The following ARFGEF2 variants were observed in gnomAD, a reference collection of about 807,000 sequenced individuals.
ARFGEF2 encodes brefeldin A-inhibited guanine nucleotide-exchange protein 2.
Under a neutral mutation model 219.9 loss-of-function variants are expected in ARFGEF2, and 74 were observed. The observed-to-expected ratio is 0.34, with a 90% CI of 0.28 to 0.41. The LOEUF is 0.41. Ranked by LOEUF, ARFGEF2 falls within the 10% of genes least tolerant of loss-of-function variation. The pLI is 1.00. For synonymous variants in ARFGEF2, 733 were observed against 799.2 expected (o/e 0.92, Z 1.40); for missense variants, 1,743 against 2,218.3 (o/e 0.79, Z 4.30).
intron 2 of ARFGEF2, 22 bp downstream of exon 2, chr20:48,941,251 T>G (rs562273732): frequency 4.0e-5 from 64 of 1,611,882 alleles, no homozygotes; most frequent in Middle Eastern, 3.3e-4. Context: ...CACTACCTCC[T>G]TGCTGAGATA....
chr20:48,981,065 C>T (rs1364065913), intron 14 of ARFGEF2, among the ~76,000 whole-genome samples: 1 of 152,188 alleles, frequency 6.6e-6, no homozygotes, highest in Non-Finnish European at 1.5e-5. Flanking sequence ...GATGCAGTTT[C>T]TTCCTAGCAT....
At chr20:49,000,282 A>G (rs184481588) in intron 25 of ARFGEF2, among the ~76,000 whole-genome samples, 41 of 152,334 alleles carry the variant, frequency 2.7e-4, no homozygotes, top group Non-Finnish European at 1.2e-4. Context: ...CTGTTTTACA[A>G]AATAATCTGA....
chr20:48,974,475 G>A (rs1033454727), intron 12 of ARFGEF2, among the ~76,000 whole-genome samples: 1 of 152,104 alleles, frequency 6.6e-6, no homozygotes, highest in African/African-American at 2.4e-5. Flanking sequence ...CATAAGCAAT[G>A]AATGAAAACT....
intron 1 of ARFGEF2, among the ~76,000 whole-genome samples, chr20:48,924,006 G>A (rs1328285576): frequency 6.6e-6 from 1 of 152,214 alleles, no homozygotes; most frequent in African/African-American, 2.4e-5. Context: ...ATCACAAATT[G>A]GGGTTGTGCC....
chr20:48,994,679 G>C (rs1013657525), intron 22 of ARFGEF2, 81 bp downstream of exon 22: 8 of 1,576,958 alleles, frequency 5.1e-6, no homozygotes, highest in Non-Finnish European at 6.9e-6. Context: ...CATCAGGACT[G>C]TCCTGTAAAC....
At position 48,953,568 on chromosome 20, in the gene ARFGEF2, A is replaced by G; in HGVS notation, c.616A>G (p.Arg206Gly). 6.2e-7 allele frequency: 1 copy of G among 1,614,172 alleles called. No homozygotes were observed. The highest frequency in any genetic ancestry group is 8.5e-7 in the Non-Finnish European group (1 of 1,180,016). The change falls in exon 6 of 39, where the codon AGA becomes GGA. Residue 206 changes from arginine (R) to glycine (G), a missense_variant. Transcript: ENST00000371917. ...TGTTGCCTTTTAGTTGCAGGAGGCC[A>G]GAGAACTGGAAAAACCAATCCAGTC... The part of the protein sequence containing the change: ...RMENQVLQEA[R>G]ELEKPIQSKP...
chr20:49,030,471 A>T (rs1487868897), intron 37 of ARFGEF2, among the ~76,000 whole-genome samples: 2 of 151,924 alleles, frequency 1.3e-5, no homozygotes, highest in Non-Finnish European at 2.9e-5. Context: ...CTTAGCAAAA[A>T]AAAAAAAAAC....
chr20:48,990,938 T>C (rs1366885965), intron 20 of ARFGEF2, 102 bp from the exon 21 acceptor site: 1 of 1,300,944 alleles, frequency 7.7e-7, no homozygotes, highest in East Asian at 2.5e-5. Context: ...TCAATGTGCA[T>C]ACAAAAAGTA....
intron 1 of ARFGEF2, among the ~76,000 whole-genome samples, chr20:48,935,908 C>T (rs1384528051): frequency 2.2e-5 from 3 of 135,312 alleles, no homozygotes; most frequent in Non-Finnish European, 3.2e-5. Context: ...GGCAGAGGCA[C>T]CCCTCACTTC....
intron 34 of ARFGEF2, among the ~76,000 whole-genome samples, chr20:49,021,497 A>G (rs1461306462): frequency 6.6e-6 from 1 of 152,190 alleles, no homozygotes; most frequent in African/African-American, 2.4e-5. Context: ...GGATATAGTT[A>G]GTCTACTCAG....
intron 12 of ARFGEF2, among the ~76,000 whole-genome samples, chr20:48,974,288 G>A (rs1354878541): frequency 6.6e-6 from 1 of 151,712 alleles, no homozygotes; most frequent in African/African-American, 2.4e-5. Context: ...ACCACACCCG[G>A]CTGATTTGAG....
At chr20:49,021,620 G>C (rs768970502) in intron 34 of ARFGEF2, among the ~76,000 whole-genome samples, 34 of 151,888 alleles carry the variant, frequency 2.2e-4, no homozygotes, top group Non-Finnish European at 4.3e-4. Context: ...GGCTGAGGCG[G>C]GCAGATCATG....
At chr20:48,939,695 T>G (rs2090981882) in intron 1 of ARFGEF2, among the ~76,000 whole-genome samples, 1 of 152,242 alleles carries the variant, frequency 6.6e-6, no homozygotes, top group Non-Finnish European at 1.5e-5. Context: ...AGTAGTCATT[T>G]GGGCATTTCT....
chr20:48,971,189 C>A lies in ARFGEF2; in HGVS notation c.1260C>A (p.Pro420=), dbSNP rs757576446. Residue 420 remains proline, a synonymous_variant, in exon 10 of 39, where the codon CCC becomes CCA. Coordinates refer to ENST00000371917, the MANE Select transcript of ARFGEF2 (RefSeq NM_006420.3). ...TCTCTGTGTTGCAAAATGCTGGCCCCGTATTCAGGACTCACGAGATGTTCA... is the reference window on the plus strand; with the variant it reads ...TCTCTGTGTTGCAAAATGCTGGCCCAGTATTCAGGACTCACGAGATGTTCA... ...LLLSVLQNAG[P]VFRTHEMFIN... 2 of 1,614,088 alleles carry A rather than the reference C, an allele frequency of 1.2e-6. No individual in the cohort carries two copies. The highest frequency in any genetic ancestry group is 1.7e-6 in the Non-Finnish European group (2 of 1,180,042).
intron 30 of ARFGEF2, among the ~76,000 whole-genome samples, chr20:49,014,862 A>G (rs56377561): frequency 0.11 from 16,185 of 152,268 alleles, 1,012 homozygotes; most frequent in Non-Finnish European, 0.13. Flanking sequence ...AAGTAGAACT[A>G]CAGAACACAG....
chr20:48,927,176 T>G (rs1345488313), intron 1 of ARFGEF2, among the ~76,000 whole-genome samples: 1 of 152,174 alleles, frequency 6.6e-6, no homozygotes, highest in African/African-American at 2.4e-5. Context: ...TGTTAAGGGA[T>G]CCAGTTAAGG....
At chr20:49,002,110 C>T (rs905754986) in intron 25 of ARFGEF2, among the ~76,000 whole-genome samples, 4 of 152,086 alleles carry the variant, frequency 2.6e-5, no homozygotes, top group South Asian at 4.1e-4. Flanking sequence ...CGGTAGTGGA[C>T]GCCTGTAATC....
intron 1 of ARFGEF2, among the ~76,000 whole-genome samples, chr20:48,924,333 C>T (rs2090862482): frequency 1.3e-5 from 2 of 151,970 alleles, no homozygotes; most frequent in East Asian, 3.9e-4. Context: ...CACGGTGAAA[C>T]CCCGCCTCTA....
At chr20:48,993,430 C>G (rs1600640314) in intron 21 of ARFGEF2, among the ~76,000 whole-genome samples, 1 of 152,128 alleles carries the variant, frequency 6.6e-6, no homozygotes, top group Admixed American at 6.6e-5. Flanking sequence ...GGATGATTCT[C>G]TTTGGTGGAA....
Sources: gnomAD v4.1 joint callset for allele counts (sites outside exome capture counted in the v4.1 genomes callset) on GRCh38, gnomAD v4.1.1 for gene constraint, MANE v1.5 for transcripts, NCBI Gene and HGNC (gene_info 2026-07-23, HGNC 2026-07-21) for gene names.